DLG2: variants seen among roughly 807,000 people sequenced by gnomAD.
The protein encoded by DLG2 is disks large homolog 2.
Under a neutral mutation model 132.5 loss-of-function variants are expected in DLG2, and 45 were observed. The ratio of observed to expected loss-of-function variants is 0.34; its 90% CI spans 0.27 to 0.44. DLG2 has a LOEUF of 0.44. DLG2 is among the 20% of genes least tolerant of loss of function. DLG2 has a pLI of 1.00. For synonymous variants in DLG2, 424 were observed against 419.6 expected (o/e 1.01, Z -0.13); for missense variants, 1,045 against 1,196.9 (o/e 0.87, Z 1.87).
chr11:84,620,743 C>T (rs61898996), intron 6 of DLG2, among the ~76,000 whole-genome samples: 16,500 of 152,022 alleles, frequency 0.11, 901 homozygotes, highest in South Asian at 0.17. Flanking sequence ...AACTCTTAAA[C>T]GCTTCTAGTA....
chr11:85,554,313 A>G (rs1023892885), intron 3 of DLG2, among the ~76,000 whole-genome samples: 3 of 151,934 alleles, frequency 2.0e-5, no homozygotes, highest in Non-Finnish European at 4.4e-5. Context: ...AATGAAAAAT[A>G]AACAATTACA....
At chr11:83,723,310 G>A (rs1458783223) in intron 18 of DLG2, among the ~76,000 whole-genome samples, 1 of 152,166 alleles carries the variant, frequency 6.6e-6, no homozygotes, top group African/African-American at 2.4e-5. Context: ...AACCCAGGAG[G>A]CGGAGGTTGC....
At chr11:84,673,890 G>A (rs1002034505) in intron 6 of DLG2, among the ~76,000 whole-genome samples, 2 of 152,078 alleles carry the variant, frequency 1.3e-5, no homozygotes, top group African/African-American at 2.4e-5. Context: ...CTTCAGCACA[G>A]GGACAGCAAA....
chr11:85,127,223 A>G (rs903248367), intron 5 of DLG2, among the ~76,000 whole-genome samples: 1 of 144,352 alleles, frequency 6.9e-6, no homozygotes, highest in Non-Finnish European at 1.5e-5. Context: ...TGTGCAATTC[A>G]TTCTCTCTCT....
At chr11:84,839,444 A>G (rs939530605) in intron 6 of DLG2, among the ~76,000 whole-genome samples, 4 of 152,154 alleles carry the variant, frequency 2.6e-5, no homozygotes, top group African/African-American at 9.7e-5. Context: ...ATTCAATGCC[A>G]TCCCCATCAA....
chr11:84,725,041 G>A (rs767644317), intron 6 of DLG2, among the ~76,000 whole-genome samples: 1 of 152,162 alleles, frequency 6.6e-6, no homozygotes, highest in Non-Finnish European at 1.5e-5. Flanking sequence ...TGATGACAAA[G>A]GTTGGGGAAT....
intron 7 of DLG2, among the ~76,000 whole-genome samples, chr11:84,251,539 C>A (rs2097372064): frequency 6.6e-6 from 1 of 151,604 alleles, no homozygotes; most frequent in Admixed American, 6.6e-5. Context: ...TTCATTTTCT[C>A]TTACATTCTA....
At chr11:85,578,639 G>A (rs765473929) in intron 3 of DLG2, among the ~76,000 whole-genome samples, 2 of 152,074 alleles carry the variant, frequency 1.3e-5, no homozygotes, top group Admixed American at 6.6e-5. Context: ...AAGGCTCAAT[G>A]TCACTGATCA....
intron 6 of DLG2, among the ~76,000 whole-genome samples, chr11:84,963,141 G>A (rs1241263435): frequency 6.6e-6 from 1 of 152,102 alleles, no homozygotes; most frequent in Non-Finnish European, 1.5e-5. Context: ...AATAATTTCA[G>A]GATCTCATAA....
intron 10 of DLG2, among the ~76,000 whole-genome samples, chr11:84,075,122 A>G (rs1435586323): frequency 6.6e-6 from 1 of 151,938 alleles, no homozygotes; most frequent in African/African-American, 2.4e-5. Flanking sequence ...GCTAGCTCCT[A>G]TTTGTCATTA....
chr11:84,720,206 C>T (rs562571063), intron 6 of DLG2: 3 of 944,838 alleles, frequency 3.2e-6, no homozygotes, highest in East Asian at 2.3e-4. Context: ...GTCACTCTCC[C>T]AACAGGCAGA....
chr11:84,949,367 T>A (rs540390350), intron 6 of DLG2, among the ~76,000 whole-genome samples: 2 of 152,138 alleles, frequency 1.3e-5, no homozygotes, highest in East Asian at 3.9e-4. Flanking sequence ...GAAATTAAAA[T>A]TGCTAATGAA....
chr11:85,240,696 T>C (rs560947058), intron 4 of DLG2, among the ~76,000 whole-genome samples: 1 of 151,970 alleles, frequency 6.6e-6, no homozygotes, highest in Non-Finnish European at 1.5e-5. Flanking sequence ...ACCACTTTTA[T>C]ATATCAACAT....
At chr11:85,118,463 C>T (rs572984652) in intron 5 of DLG2, among the ~76,000 whole-genome samples, 1 of 152,068 alleles carries the variant, frequency 6.6e-6, no homozygotes, top group East Asian at 1.9e-4. Flanking sequence ...ACCTAGCTAC[C>T]CAGATTAACA....
At chr11:84,304,525 T>C (rs976816553) in intron 7 of DLG2, among the ~76,000 whole-genome samples, 1 of 152,180 alleles carries the variant, frequency 6.6e-6, no homozygotes, top group Non-Finnish European at 1.5e-5. Flanking sequence ...AGCAAACTTG[T>C]TTCTTTAACG....
chr11:84,403,108 C>G (rs1006429875), intron 7 of DLG2, among the ~76,000 whole-genome samples: 1 of 151,650 alleles, frequency 6.6e-6, no homozygotes, highest in African/African-American at 2.4e-5. Flanking sequence ...CAGAAGATAT[C>G]CTCTATCAGT....
intron 2 of DLG2, among the ~76,000 whole-genome samples, chr11:85,603,254 C>A (rs944934655): frequency 6.6e-6 from 1 of 152,184 alleles, no homozygotes; most frequent in Admixed American, 6.5e-5. Flanking sequence ...AATAATTAAA[C>A]AATCAGCAGT....
intron 3 of DLG2, among the ~76,000 whole-genome samples, chr11:85,470,213 T>G (rs77148502): frequency 0.011 from 1,534 of 142,964 alleles, 27 homozygotes; most frequent in African/African-American, 0.037. Flanking sequence ...ATCTACTTGG[T>G]TTTTTTTTTT....
intron 6 of DLG2, among the ~76,000 whole-genome samples, chr11:84,953,886 T>C (rs2051281678): frequency 6.6e-6 from 1 of 152,154 alleles, no homozygotes. Context: ...TTGAAATGCT[T>C]CAAGTTCCTC....
Sources: gnomAD v4.1 joint callset for allele counts (sites outside exome capture counted in the v4.1 genomes callset) on GRCh38, gnomAD v4.1.1 for gene constraint, MANE v1.5 for transcripts, NCBI Gene and HGNC (gene_info 2026-07-23, HGNC 2026-07-21) for gene names.